The following DCDC1 variants were observed in gnomAD, a reference collection of about 807,000 sequenced individuals.
DCDC1 encodes doublecortin domain-containing protein 1.
A neutral mutation model predicts 178.3 loss-of-function variants in DCDC1; 200 were observed. The ratio of observed to expected loss-of-function variants is 1.12; its 90% confidence interval spans 1.00 to 1.26. The LOEUF is 1.26. Ranked by LOEUF, DCDC1 falls within the 50% of genes most tolerant of loss-of-function variation. The pLI is 0.00. For synonymous variants in DCDC1, 690 were observed against 604.8 expected (o/e 1.14, Z -2.07); for missense variants, 1,983 against 1,749.2 (o/e 1.13, Z -2.38).
chr11:30,956,619 C>T (rs1404176741), intron 20 of DCDC1, among the ~76,000 whole-genome samples: 1 of 151,990 alleles, frequency 6.6e-6, no homozygotes, highest in Non-Finnish European at 1.5e-5. Context: ...ATATATATTA[C>T]TTTTACTTTA....
At chr11:30,900,684 A>G (rs1220107722) in intron 32 of DCDC1, among the ~76,000 whole-genome samples, 186 bp from the exon 33 acceptor site, 2 of 152,118 alleles carry the variant, frequency 1.3e-5, no homozygotes, top group Non-Finnish European at 2.9e-5. Context: ...CAAAAAATAA[A>G]CTAATAAGAT....
chr11:30,872,015 A>G (rs1260888635), intron 38 of DCDC1, among the ~76,000 whole-genome samples: 2 of 152,186 alleles, frequency 1.3e-5, no homozygotes, highest in Admixed American at 1.3e-4. Flanking sequence ...TGTGTATTAC[A>G]TTAAGCTTGT....
chr11:31,074,466 A>T (rs1956752010), intron 18 of DCDC1, among the ~76,000 whole-genome samples: 1 of 152,166 alleles, frequency 6.6e-6, no homozygotes, highest in African/African-American at 2.4e-5. Flanking sequence ...GCCTTTATAG[A>T]AAGGCTCAAG....
chr11:31,109,958 C>T (rs914265163), intron 12 of DCDC1, among the ~76,000 whole-genome samples: 1 of 152,058 alleles, frequency 6.6e-6, no homozygotes, highest in Non-Finnish European at 1.5e-5. Flanking sequence ...CTGAATATAT[C>T]ACTTTTTTTT....
chr11:30,989,672 C>G (rs1950862519), intron 20 of DCDC1, among the ~76,000 whole-genome samples: 1 of 152,134 alleles, frequency 6.6e-6, no homozygotes, highest in African/African-American at 2.4e-5. Flanking sequence ...TATTTCTGCT[C>G]AAATCCATTC....
intron 18 of DCDC1, among the ~76,000 whole-genome samples, chr11:31,076,954 T>C (rs1956900631): frequency 6.6e-6 from 1 of 152,142 alleles, no homozygotes; most frequent in East Asian, 1.9e-4. Flanking sequence ...GCAGGCTGCC[T>C]GACCACCTTC....
Position 30,931,961 on chromosome 11 carries a change from A to G in DCDC1, c.2716-9T>C, listed in dbSNP as rs1946956587. 22 of 1,594,854 alleles carry G rather than the reference A, an allele frequency of 1.4e-5. No individual in the cohort carries two copies. The highest frequency in any genetic ancestry group is 1.9e-5 in the Non-Finnish European group (22 of 1,173,362). ...ATTGGCCAATCAAACTCCTTCAGAA[A>G]GAAATGACAAAAACATAATAATAAA... On this transcript the variant is annotated splice_polypyrimidine_tract_variant and intron_variant, in intron 21 of 38. Coordinates refer to ENST00000684477, the MANE Select transcript of DCDC1 (RefSeq NM_001387274.1).
intron 21 of DCDC1, among the ~76,000 whole-genome samples, chr11:30,936,352 C>T (rs1947277209): frequency 6.6e-6 from 1 of 152,138 alleles, no homozygotes; most frequent in Non-Finnish European, 1.5e-5. Flanking sequence ...TGGTTCAAAG[C>T]ATTTTAGTTT....
chr11:30,891,752 C>G (rs983313909), intron 36 of DCDC1, among the ~76,000 whole-genome samples: 1 of 152,142 alleles, frequency 6.6e-6, no homozygotes, highest in Admixed American at 6.5e-5. Context: ...TTGGGGTATA[C>G]ATTTTTCATA....
chr11:31,346,379 G>T (rs533813434), intron 1 of DCDC1, among the ~76,000 whole-genome samples: 1 of 148,600 alleles, frequency 6.7e-6, no homozygotes, highest in East Asian at 2.0e-4. Context: ...CAGGAGAATT[G>T]CTTGAACCCG....
intron 28 of DCDC1, 25 bp downstream of exon 28, chr11:30,911,302 T>C (rs1417709828): frequency 4.5e-6 from 7 of 1,564,576 alleles, no homozygotes; most frequent in African/African-American, 2.7e-5. Flanking sequence ...AGGCCATGAC[T>C]AATCTTTAGC....
At chr11:31,025,402 C>T (rs1054170685) in intron 20 of DCDC1, among the ~76,000 whole-genome samples, 5 of 151,716 alleles carry the variant, frequency 3.3e-5, no homozygotes, top group South Asian at 2.1e-4. Context: ...AAAGTCTACA[C>T]ATTTGAATTT....
chr11:31,227,265 G>A (rs1975108255), intron 9 of DCDC1, among the ~76,000 whole-genome samples: 1 of 152,078 alleles, frequency 6.6e-6, no homozygotes, highest in Non-Finnish European at 1.5e-5. Flanking sequence ...CTCTGGTGAG[G>A]GCCTTTGGAA....
At chr11:30,914,552 T>C (rs779393828) in intron 27 of DCDC1, among the ~76,000 whole-genome samples, 12 of 150,094 alleles carry the variant, frequency 8.0e-5, no homozygotes, top group Non-Finnish European at 1.8e-4. Context: ...ACACTAATGG[T>C]AGAATTTGAA....
At chr11:31,003,078 A>G (rs1445926829) in intron 20 of DCDC1, among the ~76,000 whole-genome samples, 2 of 149,096 alleles carry the variant, frequency 1.3e-5, no homozygotes, top group African/African-American at 5.1e-5. Context: ...ATGGCCACAC[A>G]TATCTTTAAA....
intron 11 of DCDC1, among the ~76,000 whole-genome samples, chr11:31,117,606 A>G (rs780291371): frequency 6.6e-6 from 1 of 151,950 alleles, no homozygotes; most frequent in African/African-American, 2.4e-5. Context: ...CCTTGTAAGT[A>G]TCTAAACTCA....
rs554336719 is a variant in DCDC1, at chr11:31,278,422, A to C, written c.960+12225T>G. On this transcript the variant is annotated intron_variant, in intron 7 of 38. Coordinates refer to ENST00000684477, the MANE Select transcript of DCDC1 (RefSeq NM_001387274.1). ...TGAAATAAGCCAGGCACAGAAACAC[A>C]AATACCACATGATTTCACTTATATG... Among the ~76,000 whole-genome samples the C allele has an allele frequency of 3.9e-5, 6 of 152,270 alleles. No individual in the cohort carries two copies. The South Asian group carries it at 1.2e-3, about 32-fold the overall frequency.
intron 17 of DCDC1, among the ~76,000 whole-genome samples, chr11:31,080,884 C>A (rs890326493): frequency 1.3e-5 from 2 of 152,110 alleles, no homozygotes; most frequent in African/African-American, 4.8e-5. Context: ...TCAAAGTATA[C>A]GACATCTGCA....
intron 1 of DCDC1, among the ~76,000 whole-genome samples, chr11:31,367,084 T>C (rs2133430862): frequency 6.6e-6 from 1 of 152,248 alleles, no homozygotes; most frequent in Non-Finnish European, 1.5e-5. Context: ...TTGCTTGAGC[T>C]CAAGAGTTCC....
Sources: gnomAD v4.1 joint callset for allele counts (sites outside exome capture counted in the v4.1 genomes callset) on GRCh38, gnomAD v4.1.1 for gene constraint, MANE v1.5 for transcripts, NCBI Gene and HGNC (gene_info 2026-07-23, HGNC 2026-07-21) for gene names.